Variants in LRP1B observed in about 807,000 individuals in gnomAD.
LRP1B encodes the protein low-density lipoprotein receptor-related protein 1B.
In LRP1B, 217 loss-of-function variants were observed where a neutral mutation model predicts 556.6. That is an observed-to-expected ratio of 0.39 (90% confidence interval 0.35 to 0.44). The LOEUF (loss-of-function observed/expected upper bound fraction) is 0.44, where lower values mean the gene tolerates loss of function less well. Among genes scored for constraint, LRP1B ranks in the 20% least tolerant of loss-of-function variants. The pLI is 1.00. For synonymous variants in LRP1B, 2,047 were observed against 1,865.8 expected (o/e 1.10, Z -2.50); for missense variants, 5,053 against 5,620.8 (o/e 0.90, Z 3.23).
chr2:141,349,893 C>T (rs1688384303), intron 3 of LRP1B, among the ~76,000 whole-genome samples: 1 of 152,020 alleles, frequency 6.6e-6, no homozygotes, highest in South Asian at 2.1e-4. Context: ...AGTCTGTTCT[C>T]ATGCTGATGA....
chr2:140,565,761 C>T (rs1681101460), intron 43 of LRP1B, among the ~76,000 whole-genome samples: 1 of 152,074 alleles, frequency 6.6e-6, no homozygotes, highest in South Asian at 2.1e-4. Context: ...CTCAGGATAG[C>T]CACACAGAAA....
At chr2:140,747,867 A>G (rs1238731671) in intron 35 of LRP1B, among the ~76,000 whole-genome samples, 2 of 151,764 alleles carry the variant, frequency 1.3e-5, no homozygotes, top group Non-Finnish European at 2.9e-5. Flanking sequence ...AAATGAGTAA[A>G]TGACCACATT....
At chr2:141,471,287 T>TTTG (rs1682462916) in intron 3 of LRP1B, among the ~76,000 whole-genome samples, 1 of 68,072 alleles carries the variant, frequency 1.5e-5, no homozygotes, top group South Asian at 3.2e-4. Flanking sequence ...TTTTTTTTTT[T>TTTG]TTTTTTTACT....
intron 1 of LRP1B, among the ~76,000 whole-genome samples, chr2:141,892,100 G>A (rs1056007503): frequency 7.9e-5 from 12 of 151,726 alleles, no homozygotes; most frequent in African/African-American, 2.9e-4. Flanking sequence ...TGATTACTAG[G>A]ACATGCTAAG....
At chr2:140,652,879 T>C (rs1684740325) in intron 41 of LRP1B, among the ~76,000 whole-genome samples, 1 of 152,056 alleles carries the variant, frequency 6.6e-6, no homozygotes, top group Admixed American at 6.6e-5. Context: ...AAAAAATTGT[T>C]GAAAATAGTA....
At chr2:140,586,797 G>C (rs552902628) in intron 43 of LRP1B, 2 of 152,074 alleles carry the variant, frequency 1.3e-5, no homozygotes, top group Non-Finnish European at 2.9e-5. Flanking sequence ...GATACATGCA[G>C]TAGAACATGT....
At chr2:140,297,187 A>T (rs1381745192) in intron 84 of LRP1B, among the ~76,000 whole-genome samples, 1 of 152,054 alleles carries the variant, frequency 6.6e-6, no homozygotes, top group African/African-American at 2.4e-5. Context: ...AGCTGGGGGG[A>T]TGTGCTAGTT....
At chr2:140,367,455 A>G (rs994622759) in intron 71 of LRP1B, among the ~76,000 whole-genome samples, 2 of 151,694 alleles carry the variant, frequency 1.3e-5, no homozygotes, top group African/African-American at 4.8e-5. Context: ...ACCAAAGTGA[A>G]TATCACCATG....
intron 1 of LRP1B, among the ~76,000 whole-genome samples, chr2:141,968,208 A>G (rs964920583): frequency 6.6e-6 from 1 of 151,792 alleles, no homozygotes; most frequent in Non-Finnish European, 1.5e-5. Context: ...TTGGTGGATG[A>G]TCTAACAACA....
At chr2:141,349,141 G>C (rs1191236975) in intron 3 of LRP1B, among the ~76,000 whole-genome samples, 1 of 151,888 alleles carries the variant, frequency 6.6e-6, no homozygotes, top group Non-Finnish European at 1.5e-5. Flanking sequence ...TACTTCCAAG[G>C]ATCCAGATCC....
At chr2:141,242,699 T>A (rs1406965692) in intron 5 of LRP1B, among the ~76,000 whole-genome samples, 1 of 152,098 alleles carries the variant, frequency 6.6e-6, no homozygotes, top group East Asian at 1.9e-4. Flanking sequence ...AATAGAGTGA[T>A]GATCATAAAA....
intron 86 of LRP1B, among the ~76,000 whole-genome samples, chr2:140,263,717 A>T (rs1682053710): frequency 6.6e-6 from 1 of 152,020 alleles, no homozygotes; most frequent in African/African-American, 2.4e-5. Flanking sequence ...AGTTTCCAAA[A>T]ACATGTGCCT....
intron 1 of LRP1B, among the ~76,000 whole-genome samples, chr2:141,920,279 TG>T (rs1216730794): frequency 5.0e-5 from 5 of 99,960 alleles, no homozygotes; most frequent in Non-Finnish European, 6.2e-5. Flanking sequence ...TCTTTTTTTT[TG>T]GGGGGGGGTG....
chr2:141,018,319 T>A (rs1697965949), intron 12 of LRP1B, among the ~76,000 whole-genome samples: 1 of 152,134 alleles, frequency 6.6e-6, no homozygotes, highest in South Asian at 2.1e-4. Context: ...TGTCTAGTTT[T>A]AAATAATATG....
intron 2 of LRP1B, among the ~76,000 whole-genome samples, chr2:141,615,934 AATG>A (rs1447166876): frequency 6.6e-6 from 1 of 152,198 alleles, no homozygotes; most frequent in Non-Finnish European, 1.5e-5. Context: ...CGTAAAAAAT[AATG>A]ATGACTGTCT....
At chr2:140,614,572 T>C (rs986471937) in intron 41 of LRP1B, among the ~76,000 whole-genome samples, 1 of 152,104 alleles carries the variant, frequency 6.6e-6, no homozygotes, top group Non-Finnish European at 1.5e-5. Context: ...AAATTGGAGC[T>C]GAGTCGTTCA....
chr2:141,701,124 C>T (rs1025593089), intron 2 of LRP1B, among the ~76,000 whole-genome samples: 2 of 151,832 alleles, frequency 1.3e-5, no homozygotes, highest in African/African-American at 4.8e-5. Context: ...AAAACTTCAT[C>T]CAAACCATTG....
chr2:141,190,243 T>C (rs1295428024), intron 6 of LRP1B, among the ~76,000 whole-genome samples: 1 of 152,042 alleles, frequency 6.6e-6, no homozygotes, highest in African/African-American at 2.4e-5. Context: ...AGTCGTATAC[T>C]CTGTGGAACC....
At position 140,701,756 on chromosome 2, in the gene LRP1B, T is replaced by C. The variant is rs2105425921; in HGVS notation, c.6392A>G (p.Lys2131Arg). ...TMRTGLGVNL[K>R]EVKIFNRVRE... ...TACTCGGTTAAATATTTTAACCTCC[T>C]TCAGGTTGACTCCAAGGCCGGTTCT... Residue 2131 changes from lysine to arginine, a missense_variant, in exon 40 of 91, where the codon AAG becomes AGG. Lys to Arg is a conservative substitution (Grantham distance 26). Around this residue, in one of 5 missense-constraint regions of LRP1B, gnomAD observed 3,619 missense variants for 3,931.9 expected, o/e 0.92. Transcript: ENST00000389484. The C allele has an allele frequency of 6.2e-7, 1 of 1,613,062 alleles. No homozygotes were observed. Among genetic ancestry groups the C allele is most frequent in the Non-Finnish European group, 8.5e-7 (1 of 1,179,336 alleles).
Sources: allele counts gnomAD v4.1 joint callset (sites outside exome capture counted in the v4.1 genomes callset), GRCh38; gene constraint gnomAD v4.1.1; regional missense constraint gnomAD v4.1.1; transcripts MANE v1.5; gene names NCBI Gene and HGNC (gene_info 2026-07-23, HGNC 2026-07-21).